Variants in PAK3 observed in about 807,000 individuals in gnomAD.
PAK3 encodes the protein serine/threonine-protein kinase PAK 3.
In PAK3, 4 loss-of-function variants were observed where a neutral mutation model predicts 41.0. The ratio of observed to expected loss-of-function variants is 0.10; its 90% CI spans 0.05 to 0.22. The LOEUF is 0.22. Ranked by LOEUF, PAK3 falls within the 10% of genes least tolerant of loss-of-function variation. PAK3 has a pLI of 1.00. For synonymous variants in PAK3, 146 were observed against 139.6 expected, an observed-to-expected ratio of 1.05 and a Z score of -0.32; for missense variants, 205 against 409.9, an observed-to-expected ratio of 0.50 and a Z score of 4.32.
intron 1 of PAK3, among the ~76,000 whole-genome samples, chrX:111,069,059 T>C (rs1304493329): frequency 8.9e-6 from 1 of 112,000 alleles, no homozygotes; most frequent in Non-Finnish European, 1.9e-5. Context: ...GGCTTTTTTA[T>C]ATTCAGCACC....
chrX:111,035,160 A>AAAGAAAGAAAGAAAGG (rs2092386590), intron 1 of PAK3, among the ~76,000 whole-genome samples: 1 of 13,170 alleles, frequency 7.6e-5, no homozygotes, highest in East Asian at 0.022. Context: ...AGAAAGGAAG[A>AAAGAAAGAAAGAAAGG]AAGAAAGAAA....
chrX:111,187,285 C>T (rs2149299684), intron 11 of PAK3, among the ~76,000 whole-genome samples: 1 of 111,545 alleles, frequency 9.0e-6, no homozygotes, highest in East Asian at 2.8e-4. Context: ...ATCTTGAAAA[C>T]TCCCAGATAC....
At chrX:111,080,474 T>C (rs1456637018) in intron 1 of PAK3, among the ~76,000 whole-genome samples, 1 of 112,711 alleles carries the variant, frequency 8.9e-6, no homozygotes, top group Non-Finnish European at 1.9e-5. Context: ...ATAATACTAT[T>C]GCATACTTAG....
chrX:111,207,167 T>C (rs2094761590), intron 16 of PAK3, among the ~76,000 whole-genome samples: 1 of 108,186 alleles, frequency 9.2e-6, no homozygotes, highest in Non-Finnish European at 1.9e-5. Context: ...TATTTACATA[T>C]ATATGTGTGT....
At chrX:111,063,911 G>A (rs928708951) in intron 1 of PAK3, among the ~76,000 whole-genome samples, 1 of 110,777 alleles carries the variant, frequency 9.0e-6, no homozygotes, top group Non-Finnish European at 1.9e-5. Context: ...AATAATCAAT[G>A]GATACCTCTA....
At chrX:111,083,334 T>C in intron 1 of PAK3, among the ~76,000 whole-genome samples, 1 of 112,471 alleles carries the variant, frequency 8.9e-6, no homozygotes, top group Non-Finnish European at 1.9e-5. Context: ...AAGTAATCCC[T>C]TACCTCATTC....
intron 1 of PAK3, among the ~76,000 whole-genome samples, chrX:110,972,023 C>T (rs886987732): frequency 9.0e-6 from 1 of 110,881 alleles, no homozygotes; most frequent in Non-Finnish European, 1.9e-5. Flanking sequence ...AATTCTATTC[C>T]ATTGTTCTAC....
intron 8 of PAK3, among the ~76,000 whole-genome samples, chrX:111,162,211 C>T (rs2094199414): frequency 8.9e-6 from 1 of 112,174 alleles, no homozygotes; most frequent in Non-Finnish European, 1.9e-5. Context: ...ACTGTATTAA[C>T]ATGAGTGATC....
At chrX:111,134,312 C>T (rs1248383919) in intron 5 of PAK3, among the ~76,000 whole-genome samples, 1 of 112,117 alleles carries the variant, frequency 8.9e-6, no homozygotes, top group Non-Finnish European at 1.9e-5. Context: ...CCAAAAACAA[C>T]TTCAACTACA....
intron 6 of PAK3, among the ~76,000 whole-genome samples, chrX:111,145,454 T>G (rs1049968083): frequency 9.8e-5 from 11 of 112,226 alleles, no homozygotes; most frequent in Non-Finnish European, 2.1e-4. Context: ...CAGTAATGTC[T>G]GCTCTAGTGG....
intron 5 of PAK3, among the ~76,000 whole-genome samples, chrX:111,132,439 C>T (rs1171362457): frequency 9.0e-6 from 1 of 110,796 alleles, no homozygotes; most frequent in African/African-American, 3.3e-5. Context: ...ATACAGATTG[C>T]ACCTGGGCAG....
intron 9 of PAK3, 149 bp downstream of exon 9, chrX:111,163,195 T>C (rs141067541): frequency 6.8e-6 from 4 of 586,525 alleles, no homozygotes; most frequent in African/African-American, 4.5e-5. Flanking sequence ...GTTTTGAGGA[T>C]ACTGTTTGAG....
chrX:111,064,523 CCA>C (rs1397335076), intron 1 of PAK3, among the ~76,000 whole-genome samples: 1 of 108,299 alleles, frequency 9.2e-6, no homozygotes, highest in African/African-American at 3.4e-5. Flanking sequence ...TGTTCAGCTC[CCA>C]CTTATAAGTA....
chrX:110,965,646 G>C (rs765382205), intron 1 of PAK3, among the ~76,000 whole-genome samples: 37 of 112,418 alleles, frequency 3.3e-4, no homozygotes, highest in Non-Finnish European at 6.2e-4. Flanking sequence ...GCAATCATTT[G>C]ATTTATTCAA....
chrX:111,050,528 G>T (rs142391732), intron 1 of PAK3, among the ~76,000 whole-genome samples: 147 of 112,149 alleles, frequency 1.3e-3, no homozygotes, highest in African/African-American at 4.5e-3. Context: ...CCCTAATGCT[G>T]TCAGTTGAAG....
intron 4 of PAK3, among the ~76,000 whole-genome samples, chrX:111,110,684 G>A (rs1311659960): frequency 9.0e-6 from 1 of 110,915 alleles, no homozygotes; most frequent in Non-Finnish European, 1.9e-5. Context: ...ATACTGTGTG[G>A]TTCTGCTCAT....
chrX:111,033,585 G>A (rs183668403), intron 1 of PAK3, among the ~76,000 whole-genome samples: 1 of 112,198 alleles, frequency 8.9e-6, no homozygotes, highest in East Asian at 2.8e-4. Flanking sequence ...ATTTGGGAAT[G>A]CAGCTCCCTT....
chrX:110,953,197 T>A (rs5985568), intron 1 of PAK3, among the ~76,000 whole-genome samples: 1,190 of 111,728 alleles, frequency 0.011, 20 homozygotes, highest in African/African-American at 0.037. Context: ...AATCCAAAAA[T>A]AAAAACCTCA....
intron 1 of PAK3, among the ~76,000 whole-genome samples, chrX:110,985,980 C>T (rs180718969): frequency 9.0e-6 from 1 of 111,604 alleles, no homozygotes; most frequent in Non-Finnish European, 1.9e-5. Context: ...TGAATCCAGC[C>T]CTGAGGAGCA....
Sources: allele counts gnomAD v4.1 joint callset (sites outside exome capture counted in the v4.1 genomes callset), GRCh38; gene constraint gnomAD v4.1.1; transcripts MANE v1.5; gene names NCBI Gene and HGNC (gene_info 2026-07-23, HGNC 2026-07-21).